The following NRXN1 variants were observed in gnomAD, a reference collection of about 807,000 sequenced individuals.
NRXN1 encodes neurexin-1.
Under a neutral mutation model 150.9 loss-of-function variants are expected in NRXN1, and 39 were observed. That is an observed-to-expected ratio of 0.26 (90% CI 0.20 to 0.34). NRXN1 has a LOEUF of 0.34. Among genes scored for constraint, NRXN1 ranks in the 10% least tolerant of loss-of-function variants. NRXN1 has a pLI of 1.00. For synonymous variants in NRXN1, 924 were observed against 757.0 expected, an observed-to-expected ratio of 1.22 and a Z score of -3.62; for missense variants, 1,815 against 1,949.9, an observed-to-expected ratio of 0.93 and a Z score of 1.30.
intron 8 of NRXN1, among the ~76,000 whole-genome samples, chr2:50,556,300 G>A (rs1668245214): frequency 1.3e-5 from 2 of 151,924 alleles, no homozygotes; most frequent in South Asian, 2.1e-4. Flanking sequence ...AGCTATTTTT[G>A]CTTCTTTCTG....
intron 5 of NRXN1, among the ~76,000 whole-genome samples, chr2:50,774,191 C>T (rs562053748): frequency 1.8e-4 from 27 of 152,204 alleles, no homozygotes; most frequent in African/African-American, 6.3e-4. Flanking sequence ...GAAAAATACT[C>T]ATTCACGTAT....
chr2:50,996,617 C>A (rs901250686), intron 2 of NRXN1, among the ~76,000 whole-genome samples: 1 of 151,964 alleles, frequency 6.6e-6, no homozygotes, highest in South Asian at 2.1e-4. Flanking sequence ...CAAGTCAATA[C>A]CTTCAGGATT....
intron 17 of NRXN1, among the ~76,000 whole-genome samples, chr2:50,349,457 ACAGTATGTTTT>A (rs1324795428): frequency 6.6e-6 from 1 of 152,186 alleles, no homozygotes; most frequent in Non-Finnish European, 1.5e-5. Flanking sequence ...AATCATCCAC[ACAGTATGTTTT>A]CAGGACTGCA....
intron 21 of NRXN1, among the ~76,000 whole-genome samples, chr2:50,025,916 A>G (rs1178602627): frequency 1.3e-5 from 2 of 152,244 alleles, no homozygotes; most frequent in South Asian, 2.1e-4. Context: ...TAATGACTTT[A>G]GCCTATGTGG....
At chr2:50,543,888 T>G (rs1408573396) in intron 9 of NRXN1, among the ~76,000 whole-genome samples, 1 of 152,270 alleles carries the variant, frequency 6.6e-6, no homozygotes, top group South Asian at 2.1e-4. Flanking sequence ...GAAAATAGTG[T>G]GCTGTAATAG....
intron 5 of NRXN1, among the ~76,000 whole-genome samples, chr2:50,908,911 A>T (rs1289007943): frequency 6.6e-6 from 1 of 151,992 alleles, no homozygotes; most frequent in Non-Finnish European, 1.5e-5. Flanking sequence ...GAAGGCCCTC[A>T]CTGGTTGCTA....
intron 15 of NRXN1, among the ~76,000 whole-genome samples, chr2:50,491,721 T>C (rs2091265740): frequency 6.6e-6 from 1 of 152,224 alleles, no homozygotes. Flanking sequence ...TATGTAGTTT[T>C]GCTAGGTGGC....
chr2:50,758,994 T>G (rs1442796907), intron 5 of NRXN1, among the ~76,000 whole-genome samples: 1 of 151,968 alleles, frequency 6.6e-6, no homozygotes, highest in Non-Finnish European at 1.5e-5. Flanking sequence ...CAAGAGTTTG[T>G]ATTAGAGTTG....
At chr2:50,593,475 G>T (rs1305419165) in intron 8 of NRXN1, among the ~76,000 whole-genome samples, 1 of 152,122 alleles carries the variant, frequency 6.6e-6, no homozygotes, top group African/African-American at 2.4e-5. Context: ...AATTCAACTT[G>T]TCTCTTTGAT....
chr2:50,808,757 G>A (rs1238599986), intron 5 of NRXN1, among the ~76,000 whole-genome samples: 1 of 151,938 alleles, frequency 6.6e-6, no homozygotes, highest in African/African-American at 2.4e-5. Context: ...CTTTTATAAC[G>A]ATTTACTCAG....
At chr2:50,489,542 A>G (rs964114356) in intron 15 of NRXN1, among the ~76,000 whole-genome samples, 2 of 140,720 alleles carry the variant, frequency 1.4e-5, no homozygotes, top group African/African-American at 6.5e-5. Context: ...TGTGCAGGTC[A>G]ACCTCCCCTG....
intron 17 of NRXN1, among the ~76,000 whole-genome samples, chr2:50,323,816 T>G (rs752079127): frequency 3.0e-4 from 45 of 152,130 alleles, no homozygotes; most frequent in Non-Finnish European, 5.4e-4. Flanking sequence ...CTAGAAAACA[T>G]AGGAAACGAC....
intron 18 of NRXN1, among the ~76,000 whole-genome samples, chr2:50,111,143 T>G (rs998144704): frequency 6.6e-6 from 1 of 152,138 alleles, no homozygotes; most frequent in Non-Finnish European, 1.5e-5. Context: ...GAAATGATAA[T>G]TTGCCAATGA....
At chr2:50,442,462 C>T (rs894160763) in intron 17 of NRXN1, among the ~76,000 whole-genome samples, 1 of 152,010 alleles carries the variant, frequency 6.6e-6, no homozygotes. Context: ...GATTATCCAA[C>T]CAGATAAACT....
At chr2:50,977,615 T>C (rs1696074487) in intron 2 of NRXN1, among the ~76,000 whole-genome samples, 1 of 151,920 alleles carries the variant, frequency 6.6e-6, no homozygotes, top group East Asian at 1.9e-4. Flanking sequence ...TTGAAAGTAA[T>C]GTAAGTGGGT....
chr2:50,712,041 T>C (rs1695235130), intron 5 of NRXN1, among the ~76,000 whole-genome samples: 2 of 152,194 alleles, frequency 1.3e-5, no homozygotes, highest in Admixed American at 6.5e-5. Flanking sequence ...ACCAGGATCC[T>C]GACCTACATT....
At chr2:50,139,628 C>A (rs1706971256) in intron 18 of NRXN1, among the ~76,000 whole-genome samples, 1 of 150,938 alleles carries the variant, frequency 6.6e-6, no homozygotes, top group East Asian at 1.9e-4. Flanking sequence ...AAACAAAACA[C>A]CACCAGTAAT....
rs531164042 is a variant in NRXN1, at chr2:51,006,337, T to C, written c.772+21165A>G. Among the ~76,000 whole-genome samples the C allele has an allele frequency of 1.5e-4, 23 of 151,050 alleles. 1 individual carries two copies. The highest frequency in any genetic ancestry group is 1.4e-3 in the East Asian group (7 of 5,042). On this transcript the variant is annotated intron_variant, in intron 2 of 22. Transcript: ENST00000401669. ...GCATGTTCTCACTCATAGGTGGGAA[T>C]TGAACAATGAGAACACATGGACACA... is the stretch of plus-strand genomic sequence containing the variant.
chr2:50,955,806 AG>A (rs1380585998), intron 2 of NRXN1, among the ~76,000 whole-genome samples: 1 of 152,200 alleles, frequency 6.6e-6, no homozygotes, highest in Non-Finnish European at 1.5e-5. Context: ...ACTGCCAAAT[AG>A]AAAGTGTTTG....
Sources: gnomAD v4.1 joint callset for allele counts (sites outside exome capture counted in the v4.1 genomes callset) on GRCh38, gnomAD v4.1.1 for gene constraint, MANE v1.5 for transcripts, NCBI Gene and HGNC (gene_info 2026-07-23, HGNC 2026-07-21) for gene names.